Variants in PTPA observed in about 807,000 individuals in gnomAD.
PTPA encodes the protein protein phosphatase 2 phosphatase activator, also known as serine/threonine-protein phosphatase 2A activator.
Under a neutral mutation model 43.6 loss-of-function variants are expected in PTPA, and 13 were observed. That is an observed-to-expected ratio of 0.30 (90% CI 0.19 to 0.47). The LOEUF (loss-of-function observed/expected upper bound fraction) is 0.47, where lower values mean the gene tolerates loss of function less well. PTPA is among the 20% of genes least tolerant of loss of function. The pLI is 0.99. For synonymous variants in PTPA, 172 were observed against 158.2 expected (o/e 1.09, Z -0.66); for missense variants, 329 against 411.9 (o/e 0.80, Z 1.74).
At chr9:129,125,433 G>T (rs1310970926) in intron 3 of PTPA, among the ~76,000 whole-genome samples, 1 of 152,056 alleles carries the variant, frequency 6.6e-6, no homozygotes, top group African/African-American at 2.4e-5. Context: ...TGTATTTTTA[G>T]TAGAGACGGG....
At position 129,142,398 on chromosome 9, in the gene PTPA, C is replaced by T. The variant is rs373970856; in HGVS notation, c.787-47C>T. On this transcript the variant is annotated intron_variant, in intron 8 of 9. Transcript: ENST00000393370. ...TTTGCTGCAGGGGAGGAGGGATGAG[C>T]TCCCAGCCAGAACCTGTCTCTTCAG... The T allele has an allele frequency of 2.2e-5, 33 of 1,520,628 alleles. No homozygotes were observed. In the African/African-American group the frequency reaches 4.2e-4, roughly 19 times the overall value. The allele number at this position is 1,520,628 out of a possible 1,614,324, so 94.2% of individuals were successfully genotyped here. A position where few individuals can be genotyped will look rare whatever the true frequency, so the allele number is the denominator to read the frequency against.
intron 7 of PTPA, 22 bp downstream of exon 7, chr9:129,136,617 A>C (rs973370211): frequency 3.8e-6 from 6 of 1,595,066 alleles, no homozygotes; most frequent in Middle Eastern, 1.7e-4. Flanking sequence ...GGAGGTGCCT[A>C]TCCCTCCACC....
At chr9:129,112,125 C>G (rs1403648684) in intron 1 of PTPA, among the ~76,000 whole-genome samples, 2 of 152,198 alleles carry the variant, frequency 1.3e-5, no homozygotes, top group East Asian at 3.9e-4. Context: ...TCCTCCTACT[C>G]TCTGGTTCCA....
At chr9:129,136,924 T>C (rs561310998) in intron 7 of PTPA, among the ~76,000 whole-genome samples, 2 of 152,240 alleles carry the variant, frequency 1.3e-5, no homozygotes, top group South Asian at 4.1e-4. Flanking sequence ...GCTGTGGGGT[T>C]TTATGTTGAA....
At chr9:129,137,762 T>C in intron 8 of PTPA, 70 bp downstream of exon 8, 5 of 1,380,982 alleles carry the variant, frequency 3.6e-6, no homozygotes, top group South Asian at 1.2e-5. Context: ...CTGGTGGCCT[T>C]ACAGTGGATC....
chr9:129,139,141 C>A (rs1157626092), intron 8 of PTPA, among the ~76,000 whole-genome samples: 1 of 152,162 alleles, frequency 6.6e-6, no homozygotes, highest in African/African-American at 2.4e-5. Context: ...CCTCTGGGTC[C>A]CTGTCGGTAT....
chr9:129,146,672 C>G (rs1851323642), intron 9 of PTPA, among the ~76,000 whole-genome samples: 1 of 152,200 alleles, frequency 6.6e-6, no homozygotes, highest in Non-Finnish European at 1.5e-5. Context: ...GTTGCGGGAG[C>G]TGCAGCTGGA....
At position 129,147,352 on chromosome 9, in the gene PTPA, C is replaced by T. The variant is rs746661218; in HGVS notation, c.895-35C>T. The T allele has an allele frequency of 4.4e-6, 7 of 1,606,226 alleles. No homozygotes were observed. The South Asian group carries it at 6.6e-5, about 15-fold the overall frequency. ...GGTCCTGGCAGGGGTGTGGTGTGGC[C>T]CTCACCACTCTGCTCACCTGCTCCT... On this transcript the variant is annotated intron_variant, in intron 9 of 9. Transcript: ENST00000393370.
chr9:129,117,200 C>T (rs1006865313), intron 1 of PTPA, among the ~76,000 whole-genome samples: 4 of 151,750 alleles, frequency 2.6e-5, no homozygotes, highest in Non-Finnish European at 5.9e-5. Flanking sequence ...GTGTGCACCA[C>T]TACACCTGGC....
At position 129,148,928 on chromosome 9, in the gene PTPA, C is replaced by T. The variant is rs1851456719; in HGVS notation, c.*1464C>T. 6.6e-6 allele frequency: 1 copy of T among 152,356 alleles called. No individual in the cohort carries two copies. The highest frequency in any genetic ancestry group is 1.5e-5 in the Non-Finnish European group (1 of 68,092). The allele number at this position is 152,356 out of a possible 1,614,324, so 9.4% of individuals were successfully genotyped here. ...CCCTCATTGCTGTTCAGATTAAAGC[C>T]TCTGTTTTGCACCTGTCACTTGTGT... On this transcript the variant is annotated 3_prime_UTR_variant, in exon 10 of 10. Coordinates refer to ENST00000393370, the MANE Select transcript of PTPA (RefSeq NM_178000.3).
intron 3 of PTPA, among the ~76,000 whole-genome samples, chr9:129,127,004 T>C (rs556918819): frequency 3.9e-5 from 6 of 152,124 alleles, no homozygotes; most frequent in Non-Finnish European, 8.8e-5. Context: ...GTGCCATCCA[T>C]TGTAAGCCCC....
At chr9:129,113,455 G>A (rs1365759223) in intron 1 of PTPA, among the ~76,000 whole-genome samples, 3 of 151,770 alleles carry the variant, frequency 2.0e-5, no homozygotes, top group Non-Finnish European at 2.9e-5. Flanking sequence ...GCTGTGGGTT[G>A]AACAAGCTAG....
chr9:129,146,186 C>T (rs908972801), intron 9 of PTPA, among the ~76,000 whole-genome samples: 6 of 152,140 alleles, frequency 3.9e-5, no homozygotes, highest in Non-Finnish European at 8.8e-5. Context: ...CCTGGATCTG[C>T]GGCTGCTCCC....
At chr9:129,146,042 ACTT>A (rs988259368) in intron 9 of PTPA, among the ~76,000 whole-genome samples, 9 of 135,742 alleles carry the variant, frequency 6.6e-5, no homozygotes, top group Non-Finnish European at 3.1e-5. Flanking sequence ...TCGCCTTGCA[ACTT>A]CTTCTATGGG....
chr9:129,126,638 A>T (rs1252999132), intron 3 of PTPA, among the ~76,000 whole-genome samples: 1 of 152,140 alleles, frequency 6.6e-6, no homozygotes, highest in Admixed American at 6.6e-5. Flanking sequence ...ATGGTCAGTA[A>T]AATGTTAGGG....
intron 8 of PTPA, 76 bp downstream of exon 8, chr9:129,137,768 G>A (rs1184910716): frequency 7.4e-7 from 1 of 1,344,906 alleles, no homozygotes; most frequent in Non-Finnish European, 1.0e-6. Context: ...GCCTTACAGT[G>A]GATCAGAAGA....
At chr9:129,111,109 G>C, upstream of PTPA, 1 of 1,338,826 alleles carries the variant, frequency 7.5e-7, no homozygotes, top group Non-Finnish European at 1.0e-6. Flanking sequence ...ACACAACCAT[G>C]TTGACCGGGG....
intron 4 of PTPA, among the ~76,000 whole-genome samples, chr9:129,129,406 A>C (rs148295515): frequency 3.2e-3 from 485 of 152,276 alleles, no homozygotes; most frequent in African/African-American, 0.011. Flanking sequence ...TATTTAAATA[A>C]ATTAGTCCAT....
At chr9:129,137,568 G>A (rs575122036) in intron 7 of PTPA, 24 bp from the exon 8 acceptor site, 15 of 1,582,506 alleles carry the variant, frequency 9.5e-6, no homozygotes, top group African/African-American at 5.4e-5. Context: ...GGTTCTGAAT[G>A]CTGGGGCCCA....
Sources: gnomAD v4.1 joint callset for allele counts (sites outside exome capture counted in the v4.1 genomes callset) on GRCh38, gnomAD v4.1.1 for gene constraint, MANE v1.5 for transcripts, NCBI Gene and HGNC (gene_info 2026-07-23, HGNC 2026-07-21) for gene names.